GABRG1: variants seen among roughly 807,000 people sequenced by gnomAD.
The protein encoded by GABRG1 is gamma-aminobutyric acid type A receptor subunit gamma1, also known as gamma-aminobutyric acid receptor subunit gamma-1.
GABRG1 carries 49 observed loss-of-function variants against 49.8 expected under a neutral mutation model. That is an observed-to-expected ratio of 0.98 (90% CI 0.78 to 1.25). The LOEUF (loss-of-function observed/expected upper bound fraction) is 1.25, where lower values mean the gene tolerates loss of function less well. Ranked by LOEUF, GABRG1 falls within the 50% of genes most tolerant of loss-of-function variation. The pLI, the probability that GABRG1 is intolerant of heterozygous loss-of-function variation, is 0.00. For missense variants in GABRG1, 552 were observed against 552.3 expected (o/e 1.00, Z 0.01); for synonymous variants, 232 against 185.1 (o/e 1.25, Z -2.06).
At chr4:46,053,391 T>G (rs1718310981) in intron 7 of GABRG1, among the ~76,000 whole-genome samples, 1 of 151,938 alleles carries the variant, frequency 6.6e-6, no homozygotes, top group African/African-American at 2.4e-5. Flanking sequence ...TATATCCTAA[T>G]TAACTTTTTC....
At chr4:46,064,764 T>A (rs1305175503) in intron 4 of GABRG1, among the ~76,000 whole-genome samples, 1 of 152,128 alleles carries the variant, frequency 6.6e-6, no homozygotes, top group Admixed American at 6.5e-5. Flanking sequence ...CATTTCAATA[T>A]GATCTCTGTG....
chr4:46,058,924 T>C (rs1718561868), intron 5 of GABRG1, among the ~76,000 whole-genome samples: 1 of 152,102 alleles, frequency 6.6e-6, no homozygotes, highest in Non-Finnish European at 1.5e-5. Flanking sequence ...ATAACTATCC[T>C]AATTTCTGCG....
intron 2 of GABRG1, among the ~76,000 whole-genome samples, chr4:46,084,806 G>T (rs1409954270): frequency 1.3e-5 from 2 of 151,618 alleles, no homozygotes; most frequent in African/African-American, 2.4e-5. Flanking sequence ...TTAAATAAAA[G>T]TAGGTCATAT....
rs1042651217 is a variant in GABRG1 at position 46,038,586 on chromosome 4, C to G, written c.*2402G>C. The G allele has an allele frequency of 6.6e-6, 1 of 151,348 alleles. No individual in the cohort carries two copies. The highest frequency in any genetic ancestry group is 1.5e-5 in the Non-Finnish European group (1 of 67,634). The allele number at this position is 151,348 out of a possible 1,614,324, so 9.4% of individuals were successfully genotyped here. ...AAAATTATTTCTCAAGGTGGTGAAA[C>G]TTATACTTGGAATAGAGGAACAGGA... is the stretch of plus-strand genomic sequence containing the variant. On this transcript the variant is annotated 3_prime_UTR_variant, in exon 9 of 9. Coordinates refer to ENST00000295452, the MANE Select transcript of GABRG1 (RefSeq NM_173536.4).
chr4:46,065,384 T>A lies in GABRG1; in HGVS notation c.522A>T (p.Gly174=). 6.2e-7 allele frequency: 1 copy of A among 1,607,242 alleles called. No individual in the cohort carries two copies. Among genetic ancestry groups the A allele is most frequent in the Non-Finnish European group, 8.5e-7 (1 of 1,173,980 alleles). ...PNRLLRIWND[G]RVLYTLRLTI... ...ATTACCTTAGAGTATACAGAACTCG[T>A]CCATCATTCCAAATTCGAAGCAGAC... Residue 174 remains glycine, a synonymous_variant, in exon 4 of 9, where the codon GGA becomes GGT. Transcript: ENST00000295452.
At chr4:46,118,688 C>T (rs967779357) in intron 1 of GABRG1, among the ~76,000 whole-genome samples, 1 of 150,908 alleles carries the variant, frequency 6.6e-6, no homozygotes, top group African/African-American at 2.4e-5. Flanking sequence ...GTGGAATGAA[C>T]GGTAGTGCTC....
intron 1 of GABRG1, among the ~76,000 whole-genome samples, chr4:46,110,346 C>T (rs1477955295): frequency 6.6e-6 from 1 of 150,846 alleles, no homozygotes; most frequent in East Asian, 2.0e-4. Flanking sequence ...GCTCTTTTTG[C>T]TTTCTGTTTG....
intron 8 of GABRG1, among the ~76,000 whole-genome samples, chr4:46,049,843 C>A (rs1718146222): frequency 6.6e-6 from 1 of 151,820 alleles, no homozygotes; most frequent in Non-Finnish European, 1.5e-5. Context: ...CCTAGAGTAG[C>A]CATGTTTTGG....
At chr4:46,110,372 T>A (rs1166857548) in intron 1 of GABRG1, among the ~76,000 whole-genome samples, 1 of 151,080 alleles carries the variant, frequency 6.6e-6, no homozygotes, top group Non-Finnish European at 1.5e-5. Flanking sequence ...TAAAACTTTA[T>A]CTAAACTTTA....
chr4:46,053,334 A>G (rs1718308425), intron 7 of GABRG1, among the ~76,000 whole-genome samples: 1 of 151,908 alleles, frequency 6.6e-6, no homozygotes. Flanking sequence ...TGTCCTATAA[A>G]TATCAATCAG....
At chr4:46,095,048 A>G (rs1326607042) in intron 2 of GABRG1, among the ~76,000 whole-genome samples, 1 of 151,898 alleles carries the variant, frequency 6.6e-6, no homozygotes, top group Non-Finnish European at 1.5e-5. Context: ...AGATAAATAC[A>G]TTTCTCACGC....
At chr4:46,085,391 A>G (rs1250042754) in intron 2 of GABRG1, among the ~76,000 whole-genome samples, 2 of 151,630 alleles carry the variant, frequency 1.3e-5, no homozygotes, top group Non-Finnish European at 3.0e-5. Flanking sequence ...TATGATGAGC[A>G]TAGAGCAATT....
chr4:46,072,706 G>T (rs1378409600), intron 3 of GABRG1, among the ~76,000 whole-genome samples: 4 of 139,480 alleles, frequency 2.9e-5, no homozygotes, highest in Non-Finnish European at 4.8e-5. Context: ...AATCTGAAAA[G>T]AAGTGATCTA....
At chr4:46,071,452 A>C (rs1719118437) in intron 3 of GABRG1, among the ~76,000 whole-genome samples, 1 of 145,600 alleles carries the variant, frequency 6.9e-6, no homozygotes, top group South Asian at 2.1e-4. Flanking sequence ...TAAATATATT[A>C]TAATGTAATG....
intron 7 of GABRG1, among the ~76,000 whole-genome samples, chr4:46,054,834 C>T (rs1401829210): frequency 6.4e-4 from 11 of 17,296 alleles, no homozygotes; most frequent in Admixed American, 7.9e-4. Context: ...ATTGAATACC[C>T]TTTATTTCCT....
chr4:46,089,996 T>C (rs1719921153), intron 2 of GABRG1, among the ~76,000 whole-genome samples: 1 of 151,918 alleles, frequency 6.6e-6, no homozygotes, highest in East Asian at 1.9e-4. Flanking sequence ...ATAATATTTA[T>C]CATAAAGCAA....
chr4:46,120,453 G>T (rs560178333), intron 1 of GABRG1, among the ~76,000 whole-genome samples: 1 of 151,672 alleles, frequency 6.6e-6, no homozygotes, highest in East Asian at 1.9e-4. Flanking sequence ...CTGATTGTTT[G>T]GATAAACTAA....
intron 1 of GABRG1, among the ~76,000 whole-genome samples, chr4:46,109,008 C>T (rs1414211119): frequency 6.6e-6 from 1 of 150,766 alleles, no homozygotes; most frequent in Non-Finnish European, 1.5e-5. Flanking sequence ...TGCTCAAAAC[C>T]CTGGATCTTA....
intron 2 of GABRG1, among the ~76,000 whole-genome samples, 165 bp from the exon 3 acceptor site, chr4:46,084,218 T>C (rs957273196): frequency 1.5e-4 from 23 of 151,650 alleles, no homozygotes; most frequent in Admixed American, 6.6e-5. Context: ...AAAAACAATC[T>C]TTTTGGTTTG....
Sources: allele counts gnomAD v4.1 joint callset (sites outside exome capture counted in the v4.1 genomes callset), GRCh38; gene constraint gnomAD v4.1.1; transcripts MANE v1.5; gene names NCBI Gene and HGNC (gene_info 2026-07-23, HGNC 2026-07-21).